Variants in OR51B5 observed in about 807,000 individuals in gnomAD.
The protein encoded by OR51B5 is olfactory receptor family 51 subfamily B member 5.
For synonymous variants in OR51B5, 186 were observed against 144.8 expected (o/e 1.28, Z -2.04); for missense variants, 456 against 374.6 (o/e 1.22, Z -1.79).
intron 1 of OR51B5, chr11:5,383,940 G>A (rs2647556): frequency 0.41 from 61,903 of 151,968 alleles, 12,829 homozygotes; most frequent in South Asian, 0.54. Flanking sequence ...ACTGTCTTGT[G>A]CCGGGGTTTC....
At chr11:5,361,476 G>A (rs1849282716) in intron 1 of OR51B5, among the ~76,000 whole-genome samples, 2 of 152,132 alleles carry the variant, frequency 1.3e-5, no homozygotes, top group African/African-American at 4.8e-5. Flanking sequence ...CACATCTGTG[G>A]CAACAATGAA....
chr11:5,503,415 AC>A (rs1846325805), intron 1 of OR51B5, among the ~76,000 whole-genome samples: 1 of 147,170 alleles, frequency 6.8e-6, no homozygotes, highest in Non-Finnish European at 1.5e-5. Flanking sequence ...AAGAAACTAC[AC>A]TTTTTTTTAC....
chr11:5,395,357 CT>C (rs2133735030), intron 1 of OR51B5, among the ~76,000 whole-genome samples: 1 of 152,062 alleles, frequency 6.6e-6, no homozygotes, highest in East Asian at 1.9e-4. Flanking sequence ...GCTGAAGGTC[CT>C]TTGTTTTGTG....
At chr11:5,489,193 AT>A in intron 1 of OR51B5, 1 of 1,613,720 alleles carries the variant, frequency 6.2e-7, no homozygotes, top group East Asian at 2.2e-5. Context: ...CTCCCCCTTC[AT>A]CTTCTTGCTG....
chr11:5,492,233 AAC>A (rs528322904), intron 1 of OR51B5, among the ~76,000 whole-genome samples: 1 of 151,884 alleles, frequency 6.6e-6, no homozygotes, highest in African/African-American at 2.4e-5. Context: ...TCACAAAATA[AAC>A]ACACACACAC....
intron 1 of OR51B5, among the ~76,000 whole-genome samples, chr11:5,353,077 G>T (rs556017659): frequency 3.3e-5 from 5 of 151,830 alleles, no homozygotes; most frequent in African/African-American, 1.2e-4. Flanking sequence ...TATGGAGCTG[G>T]CTGCTGTTTC....
At chr11:5,436,269 G>A (rs1850591105) in intron 1 of OR51B5, among the ~76,000 whole-genome samples, 1 of 152,132 alleles carries the variant, frequency 6.6e-6, no homozygotes, top group Non-Finnish European at 1.5e-5. Flanking sequence ...TGGGGTTCAT[G>A]TAAGAAACAC....
intron 1 of OR51B5, among the ~76,000 whole-genome samples, chr11:5,483,553 C>A: frequency 3.6e-5 from 4 of 111,992 alleles, no homozygotes; most frequent in African/African-American, 4.0e-5. Context: ...GAAAGTACAG[C>A]TAAAAAAAAA....
At chr11:5,343,181 G>A in exon 1 of OR51B5, 1 of 1,613,860 alleles carries the variant, frequency 6.2e-7, no homozygotes, top group Non-Finnish European at 8.5e-7. Context: ...ATAGGCCATG[G>A]CAAGCAGAAT....
intron 1 of OR51B5, among the ~76,000 whole-genome samples, chr11:5,447,853 A>G (rs982154652): frequency 2.6e-5 from 4 of 152,124 alleles, no homozygotes; most frequent in African/African-American, 9.7e-5. Context: ...CAGCCTTACC[A>G]TGCCCTCTTA....
At position 5,414,815 on chromosome 11, in the gene OR51B5, C is replaced by T. The variant is rs535013418; in HGVS notation, n.85-67905G>A. Among the ~76,000 whole-genome samples, 12 of 152,310 alleles carry T rather than the reference C, an allele frequency of 7.9e-5. No individual in the cohort carries two copies. The South Asian group carries it at 2.1e-3, about 26-fold the overall frequency. On this transcript the variant is annotated intron_variant and non_coding_transcript_variant, in intron 1 of 4. Coordinates refer to the OR51B5 transcript ENST00000415970. Reference sequence around the variant, plus strand: ...CTACAAAGAGATTTAGACTCCCACACTTTAATAATGGGAGACTTTAACACC... The same window carrying T: ...CTACAAAGAGATTTAGACTCCCACATTTTAATAATGGGAGACTTTAACACC...
Position 5,489,602 on chromosome 11 carries a change from G to A in OR51B5, n.84+15967C>T, listed in dbSNP as rs935662058. ...CTCAATCCTATTCTCTATGGAGCTA[G>A]AACCAAGGAGATTCGGAGTCGACTT... On this transcript the variant is annotated intron_variant and non_coding_transcript_variant, in intron 1 of 4. Transcript: ENST00000415970. 4 of 1,613,822 alleles carry A rather than the reference G, an allele frequency of 2.5e-6. No individual in the cohort carries two copies. Among genetic ancestry groups the A allele is most frequent in the African/African-American group, 1.3e-5 (1 of 74,888 alleles).
chr11:5,492,189 C>A (rs1851590637), intron 1 of OR51B5, among the ~76,000 whole-genome samples: 1 of 152,048 alleles, frequency 6.6e-6, no homozygotes, highest in Non-Finnish European at 1.5e-5. Context: ...TCTCCAGAAC[C>A]AGAATTCACC....
At chr11:5,369,165 CATTCATTCATTT>C (rs372904829) in intron 1 of OR51B5, among the ~76,000 whole-genome samples, 16 of 152,182 alleles carry the variant, frequency 1.1e-4, no homozygotes, top group African/African-American at 3.9e-4. Flanking sequence ...TAAAAATAGG[CATTCATTCATTT>C]ATTCATCCAT....
At chr11:5,350,796 T>C (rs1849069207) in intron 1 of OR51B5, among the ~76,000 whole-genome samples, 2 of 152,192 alleles carry the variant, frequency 1.3e-5, no homozygotes, top group African/African-American at 2.4e-5. Flanking sequence ...ACTAGGGTTA[T>C]AAAGCTGGGC....
At chr11:5,400,208 C>T (rs911544370) in intron 1 of OR51B5, among the ~76,000 whole-genome samples, 19 of 152,176 alleles carry the variant, frequency 1.2e-4, no homozygotes, top group Admixed American at 1.2e-3. Flanking sequence ...TTTTCCTAAG[C>T]TGATAATCTA....
At chr11:5,481,503 G>C (rs1449614464) in intron 1 of OR51B5, among the ~76,000 whole-genome samples, 1 of 142,944 alleles carries the variant, frequency 7.0e-6, no homozygotes, top group Non-Finnish European at 1.5e-5. Flanking sequence ...TGGAAGTTCT[G>C]GCCAGGGCAA....
At chr11:5,445,783 AATAAT>A (rs1564815986) in intron 1 of OR51B5, among the ~76,000 whole-genome samples, 4 of 151,782 alleles carry the variant, frequency 2.6e-5, no homozygotes, top group Admixed American at 1.3e-4. Flanking sequence ...AACTACAAAT[AATAAT>A]ATAACTGCTG....
At chr11:5,341,708 AT>A (rs199558921), downstream of OR51B5, among the ~76,000 whole-genome samples, 3 of 151,260 alleles carry the variant, frequency 2.0e-5, no homozygotes, top group Non-Finnish European at 3.0e-5. Context: ...GCAGAAACCT[AT>A]TTTTTTTTGT....
Sources: gnomAD v4.1 joint callset for allele counts (sites outside exome capture counted in the v4.1 genomes callset) on GRCh38, gnomAD v4.1.1 for gene constraint, MANE v1.5 for transcripts, NCBI Gene and HGNC (gene_info 2026-07-23, HGNC 2026-07-21) for gene names.